KCNH1: variants seen among roughly 807,000 people sequenced by gnomAD.
KCNH1 encodes voltage-gated delayed rectifier potassium channel KCNH1.
Under a neutral mutation model 69.2 loss-of-function variants are expected in KCNH1, and 27 were observed. That is an observed-to-expected ratio of 0.39 (90% CI 0.29 to 0.54). The LOEUF is 0.54. Ranked by LOEUF, KCNH1 falls within the 20% of genes least tolerant of loss-of-function variation. KCNH1 has a pLI of 0.68. For missense variants in KCNH1, 798 were observed against 1,261.6 expected, an observed-to-expected ratio of 0.63 and a Z score of 5.57; for synonymous variants, 456 against 487.7, an observed-to-expected ratio of 0.93 and a Z score of 0.86.
intron 7 of KCNH1, among the ~76,000 whole-genome samples, chr1:210,898,161 T>G (rs1319944965): frequency 6.6e-6 from 1 of 152,218 alleles, no homozygotes; most frequent in African/African-American, 2.4e-5. Context: ...AACAGTAGTG[T>G]TTGTGGCAGG....
At chr1:211,014,209 A>G (rs1689451551) in intron 6 of KCNH1, among the ~76,000 whole-genome samples, 1 of 152,090 alleles carries the variant, frequency 6.6e-6, no homozygotes. Flanking sequence ...TCCTCGGGAG[A>G]GTGAATCTGT....
intron 9 of KCNH1, among the ~76,000 whole-genome samples, chr1:210,795,321 AT>A (rs1182636325): frequency 6.6e-6 from 1 of 151,840 alleles, no homozygotes; most frequent in African/African-American, 2.4e-5. Flanking sequence ...TAATTTTTGT[AT>A]TTTTTGTGGA....
At chr1:210,889,357 C>CT (rs1439628316) in intron 7 of KCNH1, among the ~76,000 whole-genome samples, 1 of 152,142 alleles carries the variant, frequency 6.6e-6, no homozygotes, top group Non-Finnish European at 1.5e-5. Flanking sequence ...TTCAACAGAC[C>CT]TTCATGCTAA....
intron 10 of KCNH1, among the ~76,000 whole-genome samples, chr1:210,747,677 G>A (rs1049548854): frequency 6.7e-6 from 1 of 148,932 alleles, no homozygotes; most frequent in Non-Finnish European, 1.5e-5. Flanking sequence ...AAGGAACAAA[G>A]TATTTCACCT....
chr1:210,999,022 A>T (rs1689111708), intron 6 of KCNH1, among the ~76,000 whole-genome samples: 1 of 152,244 alleles, frequency 6.6e-6, no homozygotes, highest in African/African-American at 2.4e-5. Context: ...CAGTGTGTAG[A>T]GGGAAATTTA....
At chr1:210,699,582 G>A (rs1012013786) in intron 10 of KCNH1, among the ~76,000 whole-genome samples, 2 of 152,194 alleles carry the variant, frequency 1.3e-5, no homozygotes, top group Non-Finnish European at 2.9e-5. Context: ...AAGCTGGACA[G>A]AAGGTGGCTG....
At chr1:210,916,706 A>G (rs2102556464) in intron 7 of KCNH1, among the ~76,000 whole-genome samples, 1 of 152,304 alleles carries the variant, frequency 6.6e-6, no homozygotes, top group South Asian at 2.1e-4. Context: ...CATTGTCATG[A>G]GCAGAAAAAA....
chr1:210,882,557 G>A (rs536185476), intron 7 of KCNH1, among the ~76,000 whole-genome samples: 161 of 152,152 alleles, frequency 1.1e-3, no homozygotes, highest in Non-Finnish European at 2.1e-3. Flanking sequence ...AGGCTCACAT[G>A]ACAAACCCAC....
At chr1:210,846,566 C>T (rs1043705544) in intron 7 of KCNH1, among the ~76,000 whole-genome samples, 3 of 152,062 alleles carry the variant, frequency 2.0e-5, no homozygotes, top group East Asian at 1.9e-4. Flanking sequence ...TTACACCTTA[C>T]ACAAAAATTA....
At chr1:210,812,363 G>A (rs1044607300) in intron 7 of KCNH1, among the ~76,000 whole-genome samples, 2 of 151,830 alleles carry the variant, frequency 1.3e-5, no homozygotes, top group Non-Finnish European at 2.9e-5. Flanking sequence ...TTACTATCCT[G>A]CCACCCTGAG....
At chr1:210,714,032 C>T (rs899049321) in intron 10 of KCNH1, among the ~76,000 whole-genome samples, 10 of 152,172 alleles carry the variant, frequency 6.6e-5, no homozygotes, top group Admixed American at 2.6e-4. Flanking sequence ...TTCTAACCTA[C>T]GGGGCTAATA....
At chr1:210,853,681 TC>T (rs1446509253) in intron 7 of KCNH1, among the ~76,000 whole-genome samples, 1 of 152,082 alleles carries the variant, frequency 6.6e-6, no homozygotes, top group Non-Finnish European at 1.5e-5. Context: ...AGAAACACAA[TC>T]CTTGGAAGAT....
chr1:211,047,661 A>G (rs994244965), intron 5 of KCNH1, among the ~76,000 whole-genome samples: 8 of 152,224 alleles, frequency 5.3e-5, no homozygotes, highest in African/African-American at 1.9e-4. Context: ...AAATCAGAAT[A>G]TAGATACAAG....
intron 10 of KCNH1, among the ~76,000 whole-genome samples, chr1:210,774,849 A>T (rs1410201502): frequency 6.6e-6 from 1 of 152,258 alleles, no homozygotes; most frequent in African/African-American, 2.4e-5. Flanking sequence ...TCTCTAGACA[A>T]ACAAATTCCA....
chr1:210,755,606 T>C (rs1433268271), intron 10 of KCNH1, among the ~76,000 whole-genome samples: 2 of 152,240 alleles, frequency 1.3e-5, no homozygotes, highest in Admixed American at 6.5e-5. Flanking sequence ...TGCAAAGGCA[T>C]CTGCCTCCCT....
intron 10 of KCNH1, among the ~76,000 whole-genome samples, chr1:210,755,043 G>A (rs1055348059): frequency 2.3e-4 from 35 of 152,108 alleles, no homozygotes; most frequent in Non-Finnish European, 4.0e-4. Context: ...ATTAGTAGTC[G>A]AAGCTCATGC....
chr1:210,795,290 G>T (rs1338056253), intron 9 of KCNH1, among the ~76,000 whole-genome samples: 1 of 152,052 alleles, frequency 6.6e-6, no homozygotes, highest in African/African-American at 2.4e-5. Flanking sequence ...GGGACCACAA[G>T]CATATACCAC....
At chr1:210,734,186 C>A (rs982192695) in intron 10 of KCNH1, among the ~76,000 whole-genome samples, 3 of 152,144 alleles carry the variant, frequency 2.0e-5, no homozygotes, top group African/African-American at 2.4e-5. Context: ...ATGATTAACT[C>A]ATAAAAGAGA....
At chr1:211,010,055 G>T (rs1340260025) in intron 6 of KCNH1, among the ~76,000 whole-genome samples, 2 of 152,196 alleles carry the variant, frequency 1.3e-5, no homozygotes, top group Non-Finnish European at 2.9e-5. Context: ...GGAAAATTCA[G>T]GGGGAATTCC....
Sources: gnomAD v4.1 joint callset for allele counts (sites outside exome capture counted in the v4.1 genomes callset) on GRCh38, gnomAD v4.1.1 for gene constraint, MANE v1.5 for transcripts, NCBI Gene and HGNC (gene_info 2026-07-23, HGNC 2026-07-21) for gene names.